EFCAB6: variants seen among roughly 807,000 people sequenced by gnomAD.
EFCAB6 encodes EF-hand calcium-binding domain-containing protein 6.
In EFCAB6, 156 loss-of-function variants were observed where a neutral mutation model predicts 169.8. The observed-to-expected ratio is 0.92, with a 90% CI of 0.81 to 1.05. The LOEUF (loss-of-function observed/expected upper bound fraction) is 1.05. Among genes scored for constraint, EFCAB6 ranks in the 50% least tolerant of loss-of-function variants. The pLI is 0.00. For synonymous variants in EFCAB6, 698 were observed against 676.4 expected (o/e 1.03, Z -0.50); for missense variants, 1,800 against 1,829.1 (o/e 0.98, Z 0.29).
chr22:43,653,196 A>C (rs2056564821), intron 17 of EFCAB6, among the ~76,000 whole-genome samples: 1 of 152,344 alleles, frequency 6.6e-6, no homozygotes, highest in East Asian at 1.9e-4. Flanking sequence ...CTGATAAAAC[A>C]CATTAACCTA....
chr22:43,585,862 T>G (rs1249637408), intron 24 of EFCAB6, among the ~76,000 whole-genome samples: 3 of 152,202 alleles, frequency 2.0e-5, no homozygotes, highest in Non-Finnish European at 4.4e-5. Context: ...GAGAGTGGAC[T>G]GAAATATTTG....
At chr22:43,591,737 A>G (rs1381658761) in intron 23 of EFCAB6, among the ~76,000 whole-genome samples, 1 of 152,208 alleles carries the variant, frequency 6.6e-6, no homozygotes, top group African/African-American at 2.4e-5. Flanking sequence ...ATTTTCTTGC[A>G]GAGATGTGTG....
Position 43,744,313 on chromosome 22 carries a change from T to C in EFCAB6, c.508-8320A>G, listed in dbSNP as rs2060486446. Among the ~76,000 whole-genome samples, 5 of 152,042 alleles carry C rather than the reference T, an allele frequency of 3.3e-5. No individual in the cohort carries two copies. In the South Asian group the frequency reaches 8.3e-4, roughly 25 times the overall value. ...AGATTGCAAGCCAAGACAATCCTTG[T>C]AGAGACAGGACAGGAACCTGCAAAA... On this transcript the variant is annotated intron_variant, in intron 6 of 31. Coordinates refer to ENST00000262726, the MANE Select transcript of EFCAB6 (RefSeq NM_022785.4). The surrounding 1 kb of genome is among the most constrained non-coding windows in gnomAD (Gnocchi z 4.3).
rs773081043 is a variant in EFCAB6 at position 43,716,928 on chromosome 22, G to A, written c.802C>T (p.Arg268Cys). 1.7e-5 allele frequency: 27 copies of A among 1,575,230 alleles called. 1 individual carries two copies. The highest frequency in any genetic ancestry group is 7.0e-5 in the East Asian group (3 of 42,964). ...NQQAKNSKKERLLGSASSEDI... is the reference protein window; with the variant it reads ...NQQAKNSKKECLLGSASSEDI... ...TCAGATGATGCAGAACCTAGCAAAC[G>A]TTCCTTTTTGGAATTTTTGGCTTGT... The change falls in exon 9 of 32, where the codon CGT (arginine) becomes TGT (cysteine). Residue 268 changes from arginine (R) to cysteine (C), a missense_variant. Coordinates refer to ENST00000262726, the MANE Select transcript of EFCAB6 (RefSeq NM_022785.4).
Position 43,752,291 on chromosome 22 carries a change from T to C in EFCAB6, c.507+3475A>G, listed in dbSNP as rs563925349. 3.1e-4 allele frequency among the ~76,000 whole-genome samples: 47 copies of C among 152,192 alleles called. 1 individual carries two copies. The highest frequency in any genetic ancestry group is 2.9e-3 in the South Asian group (14 of 4,812). On this transcript the variant is annotated intron_variant, in intron 6 of 31. Transcript: ENST00000262726. ...CGCCACCATGCCCAGTTAATTTTTG[T>C]ATTTTTAGTAGAGACAAGGTTTCAC...
At chr22:43,595,396 C>A (rs957951137) in intron 23 of EFCAB6, among the ~76,000 whole-genome samples, 1 of 151,618 alleles carries the variant, frequency 6.6e-6, no homozygotes, top group Admixed American at 6.6e-5. Context: ...AAAAGAAAGT[C>A]CAAATGAATT....
At chr22:43,565,022 C>G (rs1207740315) in intron 26 of EFCAB6, among the ~76,000 whole-genome samples, 1 of 152,176 alleles carries the variant, frequency 6.6e-6, no homozygotes, top group Non-Finnish European at 1.5e-5. Context: ...CCAGGGGGGG[C>G]TTTGTGGCAG....
chr22:43,695,734 C>A (rs1569404767), intron 10 of EFCAB6, among the ~76,000 whole-genome samples: 1 of 152,014 alleles, frequency 6.6e-6, no homozygotes, highest in African/African-American at 2.4e-5. Context: ...GAAGGGGCTG[C>A]CTTTTCAACA....
intron 10 of EFCAB6, among the ~76,000 whole-genome samples, chr22:43,693,861 T>C (rs1037352583): frequency 6.6e-6 from 1 of 151,932 alleles, no homozygotes; most frequent in Non-Finnish European, 1.5e-5. Flanking sequence ...CACACAGGAT[T>C]TTAAAAGCAA....
chr22:43,562,956 G>A (rs1408145253), intron 26 of EFCAB6, among the ~76,000 whole-genome samples: 1 of 152,134 alleles, frequency 6.6e-6, no homozygotes, highest in Non-Finnish European at 1.5e-5. Context: ...GTCTCTCCGG[G>A]TAGGCACAGC....
chr22:43,793,614 G>A (rs1043747072), intron 2 of EFCAB6, among the ~76,000 whole-genome samples: 2 of 152,092 alleles, frequency 1.3e-5, no homozygotes, highest in Non-Finnish European at 2.9e-5. Context: ...AAAGAACAAG[G>A]CATCCCCGCA....
At chr22:43,654,663 GC>G (rs1219211558) in intron 17 of EFCAB6, among the ~76,000 whole-genome samples, 4 of 152,208 alleles carry the variant, frequency 2.6e-5, no homozygotes, top group Admixed American at 1.3e-4. Context: ...AACTCTCACA[GC>G]CAAGGGGAGC....
At chr22:43,696,079 CAG>C (rs2058566239) in intron 10 of EFCAB6, among the ~76,000 whole-genome samples, 1 of 152,028 alleles carries the variant, frequency 6.6e-6, no homozygotes, top group Non-Finnish European at 1.5e-5. Context: ...TGCTTATACT[CAG>C]AGTATATAAA....
At chr22:43,600,411 C>G in intron 22 of EFCAB6, 148 bp from the exon 23 acceptor site, 6 of 762,532 alleles carry the variant, frequency 7.9e-6, no homozygotes, top group Non-Finnish European at 1.3e-5. Flanking sequence ...CCAGCGGAAT[C>G]AGCCCCGCCT....
chr22:43,725,045 C>T (rs987004266), intron 8 of EFCAB6, among the ~76,000 whole-genome samples: 1 of 151,688 alleles, frequency 6.6e-6, no homozygotes, highest in Admixed American at 6.6e-5. Flanking sequence ...GGGACTGCAG[C>T]TGGCTGGCTT....
intron 24 of EFCAB6, among the ~76,000 whole-genome samples, chr22:43,583,243 C>G (rs909537787): frequency 1.3e-5 from 2 of 151,756 alleles, no homozygotes; most frequent in African/African-American, 4.8e-5. Context: ...TCTTACTCCC[C>G]ATGCTTGGTT....
At chr22:43,742,675 G>A (rs1293634543) in intron 6 of EFCAB6, among the ~76,000 whole-genome samples, 3 of 152,212 alleles carry the variant, frequency 2.0e-5, no homozygotes, top group Non-Finnish European at 4.4e-5. Context: ...CCCACTCTGC[G>A]CAGCCCCCGC....
chr22:43,728,986 G>A (rs1373126153), intron 8 of EFCAB6, among the ~76,000 whole-genome samples: 2 of 152,144 alleles, frequency 1.3e-5, no homozygotes, highest in East Asian at 1.9e-4. Flanking sequence ...CTTTGCCCAC[G>A]CCTATGTCCT....
intron 8 of EFCAB6, among the ~76,000 whole-genome samples, chr22:43,719,772 T>C (rs986189073): frequency 1.3e-5 from 2 of 152,208 alleles, no homozygotes; most frequent in African/African-American, 4.8e-5. Flanking sequence ...GATGAGCTGA[T>C]AGAGGTACTT....
Sources: gnomAD v4.1 joint callset for allele counts (sites outside exome capture counted in the v4.1 genomes callset) on GRCh38, gnomAD v4.1.1 for gene constraint, Gnocchi (gnomAD v3.1) non-coding constraint, MANE v1.5 for transcripts, NCBI Gene and HGNC (gene_info 2026-07-23, HGNC 2026-07-21) for gene names.